The following PODXL variants were observed in gnomAD, a reference collection of about 807,000 sequenced individuals.
PODXL encodes the protein podocalyxin.
In PODXL, 20 loss-of-function variants were observed where a neutral mutation model predicts 48.9. That is an observed-to-expected ratio of 0.41 (90% CI 0.29 to 0.59). PODXL has a LOEUF of 0.59. PODXL is among the 20% of genes least tolerant of loss of function. The pLI is 0.31. For missense variants in PODXL, 606 were observed against 675.1 expected (o/e 0.90, Z 1.13); for synonymous variants, 295 against 287.4 (o/e 1.03, Z -0.27).
chr7:131,514,161 T>TA (rs1797957495), intron 1 of PODXL, among the ~76,000 whole-genome samples: 1 of 152,182 alleles, frequency 6.6e-6, no homozygotes, highest in African/African-American at 2.4e-5. Context: ...CTCATGCCTG[T>TA]AATCCCAGCA....
intron 1 of PODXL, among the ~76,000 whole-genome samples, chr7:131,540,188 G>A (rs1472680073): frequency 6.6e-6 from 1 of 152,116 alleles, no homozygotes; most frequent in Admixed American, 6.5e-5. Context: ...TGGGACCACA[G>A]GTGTGCACCA....
chr7:131,509,104 G>T, intron 4 of PODXL, 76 bp from the exon 5 acceptor site: 1 of 1,282,782 alleles, frequency 7.8e-7, no homozygotes, highest in Non-Finnish European at 1.1e-6. Context: ...ACTAAGGGGT[G>T]ACCCAGATAG....
chr7:131,534,553 G>T (rs920496052), intron 1 of PODXL, among the ~76,000 whole-genome samples: 19 of 152,140 alleles, frequency 1.2e-4, no homozygotes, highest in African/African-American at 4.6e-4. Flanking sequence ...GTGGGGTGGG[G>T]GTCAGGAGGG....
chr7:131,546,564 A>G (rs1244916126), intron 1 of PODXL, among the ~76,000 whole-genome samples: 4 of 142,338 alleles, frequency 2.8e-5, no homozygotes, highest in African/African-American at 2.5e-5. Context: ...CATCTCTACT[A>G]AAAATCCCAA....
chr7:131,510,684 C>G, intron 2 of PODXL, 144 bp downstream of exon 2: 1 of 847,948 alleles, frequency 1.2e-6, no homozygotes, highest in Non-Finnish European at 1.9e-6. Flanking sequence ...GTTGGCCAGG[C>G]TGGTCTCGAA....
chr7:131,542,975 G>A (rs976660817), intron 1 of PODXL, among the ~76,000 whole-genome samples: 7 of 152,152 alleles, frequency 4.6e-5, no homozygotes, highest in African/African-American at 1.7e-4. Context: ...GCCACCCCTC[G>A]GGCTGGACGC....
chr7:131,509,225 A>G, intron 4 of PODXL, 140 bp downstream of exon 4: 2 of 813,280 alleles, frequency 2.5e-6, no homozygotes. Context: ...AACCAGGGAG[A>G]GGGAGGAGGG....
intron 7 of PODXL, 75 bp downstream of exon 7, chr7:131,506,183 CAG>C (rs1175853613): frequency 9.5e-6 from 15 of 1,572,796 alleles, no homozygotes; most frequent in African/African-American, 2.7e-5. Context: ...TTCCTCCCCA[CAG>C]AGAGAGGGGA....
intron 1 of PODXL, among the ~76,000 whole-genome samples, chr7:131,535,309 C>T (rs1469839262): frequency 6.6e-6 from 1 of 152,120 alleles, no homozygotes; most frequent in Non-Finnish European, 1.5e-5. Context: ...CACTGAACTG[C>T]ACCCCTAAAA....
chr7:131,527,855 A>G (rs1798212099), intron 1 of PODXL, among the ~76,000 whole-genome samples: 2 of 150,626 alleles, frequency 1.3e-5, no homozygotes, highest in Admixed American at 1.3e-4. Context: ...ACCTGTGCCA[A>G]CTCAGCACCA....
At chr7:131,529,745 A>C (rs1798244700) in intron 1 of PODXL, among the ~76,000 whole-genome samples, 1 of 151,944 alleles carries the variant, frequency 6.6e-6, no homozygotes, top group Non-Finnish European at 1.5e-5. Context: ...CCCGCCTTGG[A>C]CCCTCAGGCC....
chr7:131,532,517 T>TG (rs1562913089), intron 1 of PODXL, among the ~76,000 whole-genome samples: 1 of 45,954 alleles, frequency 2.2e-5, no homozygotes, highest in African/African-American at 5.1e-5. Context: ...ATCTTTTTTT[T>TG]GGAGGGGGGG....
chr7:131,510,653 G>A (rs1403874768), intron 2 of PODXL, among the ~76,000 whole-genome samples, 175 bp downstream of exon 2: 1 of 152,000 alleles, frequency 6.6e-6, no homozygotes, highest in Non-Finnish European at 1.5e-5. Flanking sequence ...TGTATTTTTA[G>A]TAGAGACAGG....
chr7:131,523,868 G>A (rs1173236362), intron 1 of PODXL, among the ~76,000 whole-genome samples: 3 of 149,516 alleles, frequency 2.0e-5, no homozygotes, highest in South Asian at 2.1e-4. Context: ...GTGCAATCTC[G>A]GCTCACCTCA....
chr7:131,556,160 G>C, intron 1 of PODXL, 100 bp downstream of exon 1: 1 of 1,335,472 alleles, frequency 7.5e-7, no homozygotes, highest in Non-Finnish European at 9.6e-7. Flanking sequence ...GGCTGCTCGG[G>C]GTCGGACCAC....
chr7:131,540,097 C>T (rs1481180789), intron 1 of PODXL, among the ~76,000 whole-genome samples: 2 of 152,106 alleles, frequency 1.3e-5, no homozygotes, highest in Admixed American at 1.3e-4. Flanking sequence ...GATTGGAGTG[C>T]GGTGGCGCGA....
chr7:131,523,416 C>T (rs1355766691), intron 1 of PODXL, among the ~76,000 whole-genome samples: 1 of 152,132 alleles, frequency 6.6e-6, no homozygotes, highest in East Asian at 1.9e-4. Context: ...GGCATGGTGG[C>T]TCACGCCTGT....
chr7:131,544,241 C>G (rs896125091), intron 1 of PODXL, among the ~76,000 whole-genome samples: 2 of 152,204 alleles, frequency 1.3e-5, no homozygotes, highest in East Asian at 3.9e-4. Context: ...AAATACCCAG[C>G]GCTTAGCCAA....
intron 2 of PODXL, 78 bp downstream of exon 2, chr7:131,510,750 G>A (rs1797897716): frequency 6.4e-7 from 1 of 1,558,412 alleles, no homozygotes; most frequent in African/African-American, 1.4e-5. Flanking sequence ...GGGATTACAA[G>A]GCATGAGCCT....
Sources: allele counts gnomAD v4.1 joint callset (sites outside exome capture counted in the v4.1 genomes callset), GRCh38; gene constraint gnomAD v4.1.1; transcripts MANE v1.5; gene names NCBI Gene and HGNC (gene_info 2026-07-23, HGNC 2026-07-21).